BLTP3A: variants seen among roughly 807,000 people sequenced by gnomAD.
BLTP3A encodes the protein bridge-like lipid transfer protein family member 3A, also known as ICBP90 binding protein 1.
the BLTP3A span, among the ~76,000 whole-genome samples, chr6:34,847,692 A>C: frequency 6.8e-6 from 1 of 146,628 alleles, no homozygotes; most frequent in South Asian, 2.2e-4. Context: ...CTTTTTTCTT[A>C]GTCTGGGGAA....
At chr6:34,820,234 A>C in the BLTP3A span, among the ~76,000 whole-genome samples, 1 of 151,162 alleles carries the variant, frequency 6.6e-6, no homozygotes, top group Admixed American at 6.6e-5. Context: ...TTTTATCTAG[A>C]ACATCTCTTT....
At chr6:34,830,689 G>C in the BLTP3A span, among the ~76,000 whole-genome samples, 183 of 152,198 alleles carry the variant, frequency 1.2e-3, no homozygotes, top group Middle Eastern at 0.014. Flanking sequence ...GTGCTGCTAT[G>C]AACCTTCTTG....
chr6:34,809,397 AC>A, the BLTP3A span, among the ~76,000 whole-genome samples: 1 of 152,160 alleles, frequency 6.6e-6, no homozygotes, highest in Non-Finnish European at 1.5e-5. Context: ...TGTCTCAAAA[AC>A]AAAAACTTCA....
At chr6:34,873,632 T>G in the BLTP3A span, 1 of 152,204 alleles carries the variant, frequency 6.6e-6, no homozygotes, top group South Asian at 2.1e-4. Flanking sequence ...TACTGCCCTG[T>G]GATACACTTG....
At chr6:34,850,537 CATTCTTTTTT>C in the BLTP3A span, among the ~76,000 whole-genome samples, 1 of 152,138 alleles carries the variant, frequency 6.6e-6, no homozygotes, top group African/African-American at 2.4e-5. Flanking sequence ...AGGTATGCTT[CATTCTTTTTT>C]ATTCTTTTTT....
the BLTP3A span, chr6:34,858,540 C>G: frequency 7.9e-5 from 127 of 1,614,172 alleles, no homozygotes; most frequent in East Asian, 2.5e-3. Flanking sequence ...CCATTTGGGC[C>G]TGCCTACCCC....
chr6:34,804,968 C>T, the BLTP3A span, among the ~76,000 whole-genome samples: 1 of 152,068 alleles, frequency 6.6e-6, no homozygotes, highest in Non-Finnish European at 1.5e-5. Flanking sequence ...TAATCTTTTA[C>T]ATCATGAGGT....
At chr6:34,849,196 G>A in the BLTP3A span, among the ~76,000 whole-genome samples, 20 of 151,706 alleles carry the variant, frequency 1.3e-4, no homozygotes, top group East Asian at 3.3e-3. Context: ...ACGGGGTTTC[G>A]CCATGTTGGC....
At chr6:34,859,441 A>T in the BLTP3A span, 101 of 1,614,064 alleles carry the variant, frequency 6.3e-5, no homozygotes, top group South Asian at 1.0e-3. Flanking sequence ...CAAGGATGCC[A>T]CCAAGGAGGC....
chr6:34,867,600 G>C, the BLTP3A span: 1 of 1,613,036 alleles, frequency 6.2e-7, no homozygotes, highest in Admixed American at 1.7e-5. Flanking sequence ...GGCAGTTCCT[G>C]CATGGACAGT....
chr6:34,836,180 C>G, the BLTP3A span: 2 of 1,614,148 alleles, frequency 1.2e-6, no homozygotes, highest in Admixed American at 3.3e-5. Context: ...CCCCAGTGCC[C>G]AGCAGTCCTG....
chr6:34,843,618 T>C, the BLTP3A span, among the ~76,000 whole-genome samples: 40 of 152,318 alleles, frequency 2.6e-4, no homozygotes, highest in African/African-American at 8.2e-4. Context: ...TTTTACTCTT[T>C]TAGTTATTTT....
chr6:34,826,238 T>G, the BLTP3A span, among the ~76,000 whole-genome samples: 2 of 152,040 alleles, frequency 1.3e-5, no homozygotes, highest in Non-Finnish European at 2.9e-5. Flanking sequence ...GCCAGGCTGG[T>G]CTCGAATTCC....
At chr6:34,815,008 CT>C in the BLTP3A span, among the ~76,000 whole-genome samples, 41 of 152,284 alleles carry the variant, frequency 2.7e-4, no homozygotes, top group African/African-American at 9.9e-4. Context: ...TCTTCTTGCC[CT>C]GTCATCTAGG....
At chr6:34,875,524 T>C in the BLTP3A span, 1 of 152,124 alleles carries the variant, frequency 6.6e-6, no homozygotes. Context: ...CCTACACTTG[T>C]GCTTGTGGGG....
At chr6:34,856,198 A>G in the BLTP3A span, 3 of 1,591,116 alleles carry the variant, frequency 1.9e-6, no homozygotes, top group Non-Finnish European at 1.7e-6. Flanking sequence ...AACATTCATC[A>G]TGATCTTGGG....
chr6:34,873,782 A>G, the BLTP3A span: 3 of 152,278 alleles, frequency 2.0e-5, no homozygotes, highest in Non-Finnish European at 2.9e-5. Context: ...GGTTTCTTCT[A>G]TGGGAAATTA....
chr6:34,870,600 C>T, the BLTP3A span, among the ~76,000 whole-genome samples: 1 of 152,202 alleles, frequency 6.6e-6, no homozygotes. Flanking sequence ...CTTAATCTCT[C>T]TTCCACCTTG....
chr6:34,877,450 C>T, the BLTP3A span: 2 of 152,582 alleles, frequency 1.3e-5, no homozygotes, highest in Admixed American at 6.5e-5. Flanking sequence ...AATATCTAGT[C>T]AAACTTTGAG....
Sources: allele counts gnomAD v4.1 joint callset (sites outside exome capture counted in the v4.1 genomes callset), GRCh38; gene constraint gnomAD v4.1.1; transcripts MANE v1.5; gene names NCBI Gene and HGNC (gene_info 2026-07-23, HGNC 2026-07-21).